The following SH2D3C variants were observed in gnomAD, a reference collection of about 807,000 sequenced individuals.
SH2D3C encodes SH2 domain-containing protein 3C.
In SH2D3C, 25 loss-of-function variants were observed where a neutral mutation model predicts 75.2. The ratio of observed to expected loss-of-function variants is 0.33; its 90% CI spans 0.24 to 0.46. SH2D3C has a LOEUF of 0.46. Among genes scored for constraint, SH2D3C ranks in the 20% least tolerant of loss-of-function variants. The pLI, the probability that SH2D3C is intolerant of heterozygous loss-of-function variation, is 1.00. For synonymous variants in SH2D3C, 450 were observed against 473.7 expected (o/e 0.95, Z 0.65); for missense variants, 933 against 1,165.3 (o/e 0.80, Z 2.90).
chr9:127,759,888 C>A (rs1471212936), intron 3 of SH2D3C, among the ~76,000 whole-genome samples: 3 of 151,312 alleles, frequency 2.0e-5, no homozygotes, highest in African/African-American at 7.3e-5. Context: ...GAGGCTGAGG[C>A]AGGAGAATGG....
chr9:127,768,879 T>A (rs1845683860), intron 2 of SH2D3C, among the ~76,000 whole-genome samples: 1 of 151,392 alleles, frequency 6.6e-6, no homozygotes, highest in Non-Finnish European at 1.5e-5. Flanking sequence ...TCCCTTGGCC[T>A]GGTATGCTCC....
intron 9 of SH2D3C, 148 bp from the exon 10 acceptor site, chr9:127,740,517 A>T: frequency 1.7e-6 from 1 of 599,482 alleles, no homozygotes; most frequent in Non-Finnish European, 3.0e-6. Context: ...ACTACTTTTC[A>T]TGTCTACCAT....
intron 2 of SH2D3C, among the ~76,000 whole-genome samples, chr9:127,767,662 A>G (rs1845660768): frequency 6.6e-6 from 1 of 152,218 alleles, no homozygotes; most frequent in African/African-American, 2.4e-5. Context: ...CCCTCTCATC[A>G]GGCCTCAGTT....
chr9:127,750,992 C>G (rs1051225243), intron 4 of SH2D3C, among the ~76,000 whole-genome samples, 180 bp downstream of exon 4: 1 of 152,204 alleles, frequency 6.6e-6, no homozygotes, highest in Admixed American at 6.5e-5. Context: ...AGAGGTGAAG[C>G]AACTTGTTCA....
chr9:127,762,194 G>A, intron 2 of SH2D3C: 1 of 1,191,568 alleles, frequency 8.4e-7, no homozygotes, highest in South Asian at 1.5e-5. Context: ...CACTGCCGGT[G>A]CTAGAGGGCT....
intron 3 of SH2D3C, chr9:127,755,074 C>T (rs1034586851): frequency 1.7e-6 from 2 of 1,200,706 alleles, no homozygotes; most frequent in African/African-American, 3.2e-5. Flanking sequence ...GAGCCGCCCC[C>T]TCACCTGCAC....
At chr9:127,745,347 G>C (rs771812731) in intron 6 of SH2D3C, among the ~76,000 whole-genome samples, 4 of 152,066 alleles carry the variant, frequency 2.6e-5, no homozygotes, top group African/African-American at 4.8e-5. Flanking sequence ...TGCAGCCTTG[G>C]GGACCCACTG....
At chr9:127,775,585 C>T (rs1845797605) in intron 1 of SH2D3C, among the ~76,000 whole-genome samples, 3 of 152,020 alleles carry the variant, frequency 2.0e-5, no homozygotes, top group African/African-American at 7.2e-5. Flanking sequence ...CGAGATTGCA[C>T]CATTGCACTC....
Position 127,761,592 on chromosome 9 carries a change from C to A in SH2D3C, c.555+19G>T. On this transcript the variant is annotated intron_variant, in intron 3 of 11. Coordinates refer to ENST00000314830, the MANE Select transcript of SH2D3C (RefSeq NM_170600.3). ...GACCTTCAGTGTCCTCTGACCAACC[C>A]CTGGCCAGCCCCTCCTACCTTCACA... The A allele has an allele frequency of 1.3e-6, 2 of 1,599,652 alleles. No individual in the cohort carries two copies. The highest frequency in any genetic ancestry group is 4.5e-5 in the East Asian group (2 of 44,622).
At chr9:127,743,902 GAGTC>G (rs1184865660) in intron 7 of SH2D3C, among the ~76,000 whole-genome samples, 1 of 151,692 alleles carries the variant, frequency 6.6e-6, no homozygotes, top group Non-Finnish European at 1.5e-5. Context: ...TGGGGGCAGA[GAGTC>G]AGGCCTTTTC....
At chr9:127,742,680 C>A (rs1844898306) in intron 8 of SH2D3C, 169 bp downstream of exon 8, 4 of 554,692 alleles carry the variant, frequency 7.2e-6, no homozygotes. Context: ...GGAAATCAGC[C>A]TGTTTAGAGC....
intron 1 of SH2D3C, among the ~76,000 whole-genome samples, chr9:127,775,099 A>G (rs990219029): frequency 3.3e-5 from 5 of 152,180 alleles, no homozygotes; most frequent in African/African-American, 1.2e-4. Flanking sequence ...AAAATTAAAA[A>G]GAAAAAGAAA....
Position 127,739,670 on chromosome 9 carries a change from C to T in SH2D3C, c.2407+12G>A. 2 of 1,592,030 alleles carry T rather than the reference C, an allele frequency of 1.3e-6. No homozygotes were observed. The highest frequency in any genetic ancestry group is 1.7e-6 in the Non-Finnish European group (2 of 1,165,688). On this transcript the variant is annotated intron_variant, in intron 11 of 11. Coordinates refer to ENST00000314830, the MANE Select transcript of SH2D3C (RefSeq NM_170600.3). The surrounding 1 kb of genome is among the most constrained non-coding windows in gnomAD (Gnocchi z 4.3). ...GGCCTGCAAGCCCCCCAAGATGCCA[C>T]CCGCCACTCACCCTGCAGCTTGACT...
intron 2 of SH2D3C, chr9:127,771,203 G>A (rs1349512263): frequency 5.2e-6 from 8 of 1,545,906 alleles, no homozygotes; most frequent in Non-Finnish European, 7.0e-6. Flanking sequence ...ACCCCAGCGC[G>A]GGGCACCTTC....
At chr9:127,760,795 G>A (rs1430785535) in intron 3 of SH2D3C, among the ~76,000 whole-genome samples, 1 of 152,100 alleles carries the variant, frequency 6.6e-6, no homozygotes, top group Non-Finnish European at 1.5e-5. Context: ...TCTGCACACA[G>A]TAGGCACTCA....
chr9:127,778,446 T>C, intron 1 of SH2D3C, 145 bp downstream of exon 1: 1 of 709,858 alleles, frequency 1.4e-6, no homozygotes, highest in South Asian at 1.6e-5. Flanking sequence ...ACAGAGACGC[T>C]GGTGTCCAAA....
At chr9:127,776,519 C>T (rs1588529415) in intron 1 of SH2D3C, among the ~76,000 whole-genome samples, 1 of 152,176 alleles carries the variant, frequency 6.6e-6, no homozygotes, top group African/African-American at 2.4e-5. Context: ...TGTGAGTTCC[C>T]TCCCCCTGCC....
At position 127,756,831 on chromosome 9, in the gene SH2D3C, A is replaced by AGACAGGGTTTCACCGT. The variant is rs1174746021; in HGVS notation, c.555+4764_555+4779dup. Among the ~76,000 whole-genome samples, 51 of 150,060 alleles carry AGACAGGGTTTCACCGT rather than the reference A, an allele frequency of 3.4e-4. No individual in the cohort carries two copies. The East Asian group carries it at 1.0e-2, about 29-fold the overall frequency. ...CGCTAATTTTTTGTATTTTTAGTAG[A>AGACAGGGTTTCACCGT]GACAGGGTTTCACCGTGGTCTCGAT... On this transcript the variant is annotated intron_variant, in intron 3 of 11. Transcript: ENST00000314830.
intron 2 of SH2D3C, among the ~76,000 whole-genome samples, chr9:127,765,982 C>T (rs1845626208): frequency 6.6e-6 from 1 of 152,236 alleles, no homozygotes; most frequent in Non-Finnish European, 1.5e-5. Flanking sequence ...ACTGATACCA[C>T]TTATTGCATA....
Sources: allele counts gnomAD v4.1 joint callset (sites outside exome capture counted in the v4.1 genomes callset), GRCh38; gene constraint gnomAD v4.1.1; non-coding constraint Gnocchi (gnomAD v3.1); transcripts MANE v1.5; gene names NCBI Gene and HGNC (gene_info 2026-07-23, HGNC 2026-07-21).